The following ENOX1 variants were observed in gnomAD, a reference collection of about 807,000 sequenced individuals.
The protein encoded by ENOX1 is candidate growth-related and time keeping constitutive hydroquinone (NADH) oxidase.
A neutral mutation model predicts 82.5 loss-of-function variants in ENOX1; 42 were observed. That is an observed-to-expected ratio of 0.51 (90% confidence interval 0.40 to 0.66). The LOEUF is 0.66. Ranked by LOEUF, ENOX1 falls within the 30% of genes least tolerant of loss-of-function variation. ENOX1 has a pLI of 0.00. For synonymous variants in ENOX1, 271 were observed against 282.2 expected (o/e 0.96, Z 0.40); for missense variants, 608 against 811.6 (o/e 0.75, Z 3.05).
At chr13:43,560,464 A>G (rs2079620133) in intron 2 of ENOX1, among the ~76,000 whole-genome samples, 1 of 152,064 alleles carries the variant, frequency 6.6e-6, no homozygotes, top group South Asian at 2.1e-4. Context: ...CAACTGAAAA[A>G]TACTCTCTTA....
In ENOX1 at chr13:43,346,514, C is replaced by T. The variant is rs573405516; in HGVS notation, c.824-1764G>A. On this transcript the variant is annotated intron_variant, in intron 8 of 16. Coordinates refer to ENST00000690772, the MANE Select transcript of ENOX1 (RefSeq NM_001347969.2). ...ACTCAAGTTTCCTTGAAAATCTCAA[C>T]CCATAGGCACAGAACACACTTACTG... Among the ~76,000 whole-genome samples the T allele has an allele frequency of 3.3e-5, 5 of 152,322 alleles. No homozygotes were observed. In the South Asian group the frequency reaches 8.3e-4, roughly 25 times the overall value.
At chr13:43,468,184 CT>C (rs113334472) in intron 3 of ENOX1, among the ~76,000 whole-genome samples, 1 of 150,126 alleles carries the variant, frequency 6.7e-6, no homozygotes, top group African/African-American at 2.4e-5. Flanking sequence ...TCATAAATTC[CT>C]TTTTTTTTCT....
chr13:43,317,944 G>A (rs575767170), intron 11 of ENOX1, among the ~76,000 whole-genome samples: 50 of 151,918 alleles, frequency 3.3e-4, no homozygotes, highest in Non-Finnish European at 5.0e-4. Flanking sequence ...GGCAGAGCTC[G>A]CAGTGAGCCA....
intron 5 of ENOX1, among the ~76,000 whole-genome samples, chr13:43,405,377 C>T (rs1397275184): frequency 6.6e-6 from 1 of 152,110 alleles, no homozygotes; most frequent in Non-Finnish European, 1.5e-5. Flanking sequence ...AACAACCATC[C>T]CTATGTTGTG....
chr13:43,467,444 A>G (rs2057780595), intron 3 of ENOX1, among the ~76,000 whole-genome samples: 1 of 152,130 alleles, frequency 6.6e-6, no homozygotes, highest in Non-Finnish European at 1.5e-5. Context: ...AAGGGCTAAT[A>G]ATGTTGGGCA....
chr13:43,372,643 A>G (rs920747424), intron 5 of ENOX1, among the ~76,000 whole-genome samples: 3 of 152,216 alleles, frequency 2.0e-5, no homozygotes, highest in African/African-American at 7.2e-5. Context: ...AGTTTACAAA[A>G]GAGGCAAAAA....
intron 3 of ENOX1, among the ~76,000 whole-genome samples, chr13:43,440,541 T>C (rs1006839459): frequency 3.9e-5 from 6 of 152,190 alleles, no homozygotes; most frequent in Admixed American, 1.3e-4. Context: ...AAATCAGAAT[T>C]CTACTTTACC....
intron 1 of ENOX1, among the ~76,000 whole-genome samples, chr13:43,721,396 T>TTTTTTA (rs71099845): frequency 1.4e-5 from 2 of 145,282 alleles, no homozygotes; most frequent in East Asian, 2.0e-4. Flanking sequence ...TTTTTTTTTT[T>TTTTTTA]GAGACGGAGT....
intron 2 of ENOX1, among the ~76,000 whole-genome samples, chr13:43,550,357 T>C (rs1372738028): frequency 6.6e-6 from 1 of 152,180 alleles, no homozygotes; most frequent in Non-Finnish European, 1.5e-5. Context: ...CCCCACAATA[T>C]GCTATTGCTC....
At chr13:43,266,337 C>A (rs1416256595) in intron 13 of ENOX1, among the ~76,000 whole-genome samples, 3 of 152,164 alleles carry the variant, frequency 2.0e-5, no homozygotes, top group African/African-American at 7.2e-5. Flanking sequence ...ACATATACCA[C>A]CAATGTGTTT....
chr13:43,691,004 C>G (rs1255956703), intron 1 of ENOX1, among the ~76,000 whole-genome samples: 1 of 152,154 alleles, frequency 6.6e-6, no homozygotes, highest in African/African-American at 2.4e-5. Flanking sequence ...ACAATTTGGA[C>G]ATTTTATCTA....
chr13:43,271,503 T>C (rs2044680037), intron 12 of ENOX1, among the ~76,000 whole-genome samples: 1 of 152,088 alleles, frequency 6.6e-6, no homozygotes, highest in African/African-American at 2.4e-5. Flanking sequence ...ACTGCTTTAG[T>C]AATGAGAAAA....
chr13:43,417,687 A>C (rs1327380269), intron 3 of ENOX1, among the ~76,000 whole-genome samples: 2 of 152,206 alleles, frequency 1.3e-5, no homozygotes. Context: ...AATTATAGCT[A>C]ATAAAGCACT....
At chr13:43,396,965 C>CAAT (rs1455198756) in intron 5 of ENOX1, among the ~76,000 whole-genome samples, 1 of 152,166 alleles carries the variant, frequency 6.6e-6, no homozygotes, top group African/African-American at 2.4e-5. Flanking sequence ...AGGGTAGGAG[C>CAAT]AATACCACCT....
At chr13:43,340,526 A>G (rs2048990150) in intron 9 of ENOX1, among the ~76,000 whole-genome samples, 1 of 152,226 alleles carries the variant, frequency 6.6e-6, no homozygotes, top group South Asian at 2.1e-4. Flanking sequence ...GTAAATACAG[A>G]GGTTGTTGGA....
At chr13:43,515,786 T>G (rs1403772410) in intron 2 of ENOX1, among the ~76,000 whole-genome samples, 3 of 152,182 alleles carry the variant, frequency 2.0e-5, no homozygotes, top group Non-Finnish European at 4.4e-5. Context: ...CTGAGCTTCA[T>G]GGAACAGATC....
chr13:43,599,603 G>A (rs1043586392), intron 2 of ENOX1, among the ~76,000 whole-genome samples: 2 of 151,916 alleles, frequency 1.3e-5, no homozygotes, highest in Admixed American at 6.6e-5. Flanking sequence ...TAGGCTAAAA[G>A]GACTACAATT....
rs1353389393 is a variant in ENOX1 at position 43,786,494 on chromosome 13, A to C, written c.-285+158T>G. On this transcript the variant is annotated intron_variant, in intron 1 of 16. Transcript: ENST00000690772. This position sits in a 1 kb window ranked among gnomAD's most constrained non-coding sequence, Gnocchi z 6.0. The stretch of plus-strand genomic sequence containing the variant: ...CACCGAAGCCCCCACGCGTCCACGC[A>C]CCCCTCCTCACCAGCCTCACCTCTA... 6.6e-6 allele frequency among the ~76,000 whole-genome samples: 1 copy of C among 151,312 alleles called. No individual in the cohort carries two copies. Among genetic ancestry groups the C allele is most frequent in the African/African-American group, 2.4e-5 (1 of 41,174 alleles).
chr13:43,330,157 C>T (rs541789884), intron 9 of ENOX1, among the ~76,000 whole-genome samples: 135 of 152,304 alleles, frequency 8.9e-4, no homozygotes, highest in African/African-American at 3.1e-3. Context: ...TATCTATATA[C>T]AATAAAACCT....
Sources: gnomAD v4.1 joint callset for allele counts (sites outside exome capture counted in the v4.1 genomes callset) on GRCh38, gnomAD v4.1.1 for gene constraint, Gnocchi (gnomAD v3.1) non-coding constraint, MANE v1.5 for transcripts, NCBI Gene and HGNC (gene_info 2026-07-23, HGNC 2026-07-21) for gene names.